The following ZNF804B variants were observed in gnomAD, a reference collection of about 807,000 sequenced individuals.
The protein encoded by ZNF804B is zinc finger 804B.
ZNF804B carries 80 observed loss-of-function variants against 101.4 expected under a neutral mutation model. That is an observed-to-expected ratio of 0.79 (90% CI 0.66 to 0.95). ZNF804B has a LOEUF of 0.95. ZNF804B is among the 40% of genes least tolerant of loss of function. ZNF804B has a pLI of 0.00. For synonymous variants in ZNF804B, 622 were observed against 558.8 expected, an observed-to-expected ratio of 1.11 and a Z score of -1.59; for missense variants, 1,673 against 1,561.9, an observed-to-expected ratio of 1.07 and a Z score of -1.20.
chr7:89,054,487 A>G (rs377374753), intron 1 of ZNF804B, among the ~76,000 whole-genome samples: 1 of 151,898 alleles, frequency 6.6e-6, no homozygotes. Context: ...TCTTTTAAAG[A>G]TTAGCATTTC....
At chr7:88,909,854 C>T (rs1340602751) in intron 1 of ZNF804B, among the ~76,000 whole-genome samples, 1 of 151,600 alleles carries the variant, frequency 6.6e-6, no homozygotes, top group Non-Finnish European at 1.5e-5. Flanking sequence ...CATAAACGTC[C>T]TAATTACCTT....
intron 1 of ZNF804B, among the ~76,000 whole-genome samples, chr7:88,762,685 AC>A (rs1431422613): frequency 6.6e-6 from 1 of 151,440 alleles, no homozygotes; most frequent in African/African-American, 2.4e-5. Context: ...CCTTAAAAAA[AC>A]ATAGCTACTC....
At chr7:89,183,745 A>C (rs1310152527) in intron 1 of ZNF804B, among the ~76,000 whole-genome samples, 2 of 152,190 alleles carry the variant, frequency 1.3e-5, no homozygotes, top group African/African-American at 4.8e-5. Flanking sequence ...TTATGAAGAA[A>C]AATATGAAGT....
In ZNF804B at chr7:88,926,565, G is replaced by A. The variant is rs145943000; in HGVS notation, c.108+166481G>A. 1.9e-3 allele frequency among the ~76,000 whole-genome samples: 294 copies of A among 152,052 alleles called. 1 individual carries two copies. Among genetic ancestry groups the A allele is most frequent in the African/African-American group, 6.8e-3 (284 of 41,460 alleles). On this transcript the variant is annotated intron_variant, in intron 1 of 3. Coordinates refer to ENST00000333190, the MANE Select transcript of ZNF804B (RefSeq NM_181646.5). Reference sequence around the variant, plus strand: ...GGAGGTTACACTGAGCCGAGATCACGCCATAGCACTCCAGCCTGGGTGACA... The same window carrying A: ...GGAGGTTACACTGAGCCGAGATCACACCATAGCACTCCAGCCTGGGTGACA...
intron 1 of ZNF804B, among the ~76,000 whole-genome samples, chr7:89,141,035 G>A (rs192025633): frequency 6.6e-6 from 1 of 152,002 alleles, no homozygotes; most frequent in East Asian, 1.9e-4. Context: ...TTTCAATATT[G>A]TTATATCCCC....
chr7:89,244,797 C>A (rs531480720), intron 2 of ZNF804B, among the ~76,000 whole-genome samples: 2 of 152,204 alleles, frequency 1.3e-5, no homozygotes, highest in African/African-American at 2.4e-5. Flanking sequence ...TTACAAAGAA[C>A]CTTGTCCATC....
chr7:89,042,922 G>C (rs1789039006), intron 1 of ZNF804B, among the ~76,000 whole-genome samples: 1 of 152,122 alleles, frequency 6.6e-6, no homozygotes. Flanking sequence ...ATGAAATAAT[G>C]CATATGTTAT....
intron 1 of ZNF804B, among the ~76,000 whole-genome samples, chr7:88,835,588 A>G (rs748339673): frequency 2.0e-5 from 3 of 151,962 alleles, no homozygotes; most frequent in Non-Finnish European, 4.4e-5. Context: ...GTAAAAAGCC[A>G]TGAGTTCAAA....
At chr7:88,911,760 A>G (rs1562829874) in intron 1 of ZNF804B, among the ~76,000 whole-genome samples, 1 of 151,792 alleles carries the variant, frequency 6.6e-6, no homozygotes, top group African/African-American at 2.4e-5. Context: ...TCAAGATTAG[A>G]ACATTTTCAT....
chr7:89,096,265 A>G (rs1789971282), intron 1 of ZNF804B, among the ~76,000 whole-genome samples: 1 of 152,160 alleles, frequency 6.6e-6, no homozygotes, highest in Non-Finnish European at 1.5e-5. Context: ...GATGCATGGC[A>G]GCTCTGACAA....
intron 1 of ZNF804B, among the ~76,000 whole-genome samples, chr7:88,901,399 A>G (rs1792387762): frequency 1.3e-5 from 2 of 151,938 alleles, no homozygotes; most frequent in South Asian, 4.1e-4. Context: ...CATAAAATTC[A>G]CCACATCTTA....
chr7:88,805,356 C>T (rs1156658356), intron 1 of ZNF804B, among the ~76,000 whole-genome samples: 1 of 152,086 alleles, frequency 6.6e-6, no homozygotes, highest in Non-Finnish European at 1.5e-5. Context: ...ATAGTAAAAA[C>T]AACATAATAA....
intron 1 of ZNF804B, among the ~76,000 whole-genome samples, chr7:89,074,070 A>T (rs533412359): frequency 6.6e-6 from 1 of 152,226 alleles, no homozygotes; most frequent in South Asian, 2.1e-4. Context: ...AGAAATGGGG[A>T]AGGTAAAGTA....
chr7:88,937,448 C>T (rs368588149), intron 1 of ZNF804B, among the ~76,000 whole-genome samples: 1 of 152,036 alleles, frequency 6.6e-6, no homozygotes, highest in African/African-American at 2.4e-5. Flanking sequence ...GCTATTTAAT[C>T]TAGGGATTTG....
intron 1 of ZNF804B, among the ~76,000 whole-genome samples, chr7:88,854,579 CTTCCTTCCCTTTA>C (rs1791526969): frequency 7.6e-6 from 1 of 131,612 alleles, no homozygotes; most frequent in Non-Finnish European, 1.6e-5. Context: ...TCCTTCCTTC[CTTCCTTCCCTTTA>C]TTCCTTCCCT....
chr7:88,862,604 A>G (rs912135032), intron 1 of ZNF804B, among the ~76,000 whole-genome samples: 1 of 152,204 alleles, frequency 6.6e-6, no homozygotes, highest in Admixed American at 6.5e-5. Flanking sequence ...TTGTAACATT[A>G]CTTGTATTTT....
chr7:88,976,264 TA>T (rs1325291350), intron 1 of ZNF804B, among the ~76,000 whole-genome samples: 3 of 151,650 alleles, frequency 2.0e-5, no homozygotes, highest in African/African-American at 7.2e-5. Flanking sequence ...ATTTTAGGAT[TA>T]TTTTTTCTAT....
chr7:89,336,995 T>C lies in ZNF804B; in HGVS notation c.4013T>C (p.Val1338Ala), dbSNP rs767239965. ...CSSQMQQLNE[V>A]KEALNVSTHL... ...AGCCAGATGCAACAGCTAAATGAAGTGAAAGAGGCCTTAAATGTGTCCACA... is the reference window on the plus strand; with the variant it reads ...AGCCAGATGCAACAGCTAAATGAAGCGAAAGAGGCCTTAAATGTGTCCACA... Residue 1338 changes from valine (V) to alanine (A), a missense_variant, in exon 4 of 4, where the codon GTG becomes GCG. Physicochemically the swap from Val to Ala is moderately conservative, Grantham distance 64 (BLOSUM62 0). Coordinates refer to ENST00000333190, the MANE Select transcript of ZNF804B (RefSeq NM_181646.5). 6.2e-7 allele frequency: 1 copy of C among 1,614,012 alleles called. No homozygotes were observed. Among genetic ancestry groups the C allele is most frequent in the Non-Finnish European group, 8.5e-7 (1 of 1,179,964 alleles).
intron 1 of ZNF804B, among the ~76,000 whole-genome samples, chr7:88,850,150 T>C (rs985034202): frequency 2.6e-5 from 4 of 152,154 alleles, no homozygotes; most frequent in African/African-American, 7.2e-5. Flanking sequence ...CATTTTACGT[T>C]AGGCAAAGAG....
Sources: gnomAD v4.1 joint callset for allele counts (sites outside exome capture counted in the v4.1 genomes callset) on GRCh38, gnomAD v4.1.1 for gene constraint, MANE v1.5 for transcripts, NCBI Gene and HGNC (gene_info 2026-07-23, HGNC 2026-07-21) for gene names.